The following DPF3 variants were observed in gnomAD, a reference collection of about 807,000 sequenced individuals.
The protein encoded by DPF3 is zinc finger protein DPF3.
In DPF3, 18 loss-of-function variants were observed where a neutral mutation model predicts 56.8. That is an observed-to-expected ratio of 0.32 (90% confidence interval 0.22 to 0.47). DPF3 has a LOEUF of 0.47. DPF3 is among the 20% of genes least tolerant of loss of function. The pLI, the probability that DPF3 is intolerant of heterozygous loss-of-function variation, is 1.00. For missense variants in DPF3, 403 were observed against 488.8 expected, an observed-to-expected ratio of 0.82 and a Z score of 1.65; for synonymous variants, 188 against 180.2, an observed-to-expected ratio of 1.04 and a Z score of -0.35.
chr14:72,626,113 C>T (rs1036059009), intron 9 of DPF3, among the ~76,000 whole-genome samples: 3 of 152,026 alleles, frequency 2.0e-5, no homozygotes, highest in Non-Finnish European at 4.4e-5. Flanking sequence ...TTATTTGTTA[C>T]TGTTTTTATT....
intron 4 of DPF3, among the ~76,000 whole-genome samples, chr14:72,726,658 G>A (rs1889418744): frequency 6.6e-6 from 1 of 152,154 alleles, no homozygotes; most frequent in African/African-American, 2.4e-5. Context: ...AAGCGGAGGG[G>A]GAGTCCTGCA....
At chr14:72,734,021 C>T (rs1019814450) in intron 3 of DPF3, among the ~76,000 whole-genome samples, 4 of 152,284 alleles carry the variant, frequency 2.6e-5, no homozygotes, top group Admixed American at 6.5e-5. Context: ...AGCGCTACCA[C>T]GAAATCAGCC....
At chr14:72,837,179 T>G (rs977573184) in intron 1 of DPF3, among the ~76,000 whole-genome samples, 6 of 151,884 alleles carry the variant, frequency 4.0e-5, no homozygotes, top group Non-Finnish European at 8.8e-5. Context: ...CCAGAATCAC[T>G]TTTTCAGTAA....
At chr14:72,734,684 T>C (rs944928746) in intron 3 of DPF3, among the ~76,000 whole-genome samples, 5 of 152,162 alleles carry the variant, frequency 3.3e-5, no homozygotes, top group African/African-American at 1.2e-4. Context: ...AATTCAATCA[T>C]CTCATTTTGT....
At chr14:72,670,680 A>G in intron 8 of DPF3, 6 of 987,578 alleles carry the variant, frequency 6.1e-6, no homozygotes, top group Non-Finnish European at 7.2e-6. Flanking sequence ...TCTGATTCTA[A>G]TAACAGCTAG....
chr14:72,627,139 C>T (rs1373063399), intron 9 of DPF3, among the ~76,000 whole-genome samples: 1 of 151,954 alleles, frequency 6.6e-6, no homozygotes, highest in Non-Finnish European at 1.5e-5. Context: ...ATGTTTTTGA[C>T]TATGCAAAAT....
chr14:72,694,079 G>A (rs537444089), intron 6 of DPF3, among the ~76,000 whole-genome samples: 26 of 152,322 alleles, frequency 1.7e-4, no homozygotes, highest in African/African-American at 5.8e-4. Context: ...CTTGGAGCCA[G>A]GAAGAAAGGG....
intron 1 of DPF3, among the ~76,000 whole-genome samples, chr14:72,795,568 G>A (rs1274154437): frequency 6.6e-6 from 1 of 152,144 alleles, no homozygotes; most frequent in African/African-American, 2.4e-5. Context: ...GCTCGGTACT[G>A]TTATTCTATT....
chr14:72,795,295 A>AATATAT (rs71109748), intron 1 of DPF3, among the ~76,000 whole-genome samples: 66 of 102,876 alleles, frequency 6.4e-4, no homozygotes, highest in Non-Finnish European at 9.6e-4. Flanking sequence ...AAAAAAAAAA[A>AATATAT]ATATATATAT....
At chr14:72,834,136 C>T (rs1217114545) in intron 1 of DPF3, among the ~76,000 whole-genome samples, 1 of 151,688 alleles carries the variant, frequency 6.6e-6, no homozygotes, top group Non-Finnish European at 1.5e-5. Context: ...CGAGACTGCG[C>T]CATTGCACTC....
At chr14:72,666,733 A>G (rs562813328) in intron 8 of DPF3, among the ~76,000 whole-genome samples, 8 of 152,320 alleles carry the variant, frequency 5.3e-5, no homozygotes, top group African/African-American at 1.9e-4. Context: ...AGCTGAGCCC[A>G]GAGCCCAGAA....
intron 1 of DPF3, among the ~76,000 whole-genome samples, chr14:72,797,760 CG>C (rs1436393284): frequency 1.3e-5 from 2 of 152,148 alleles, no homozygotes; most frequent in Non-Finnish European, 2.9e-5. Flanking sequence ...ATGTGGTGAT[CG>C]AAAACTAGAC....
At chr14:72,699,492 A>G (rs2153573800) in intron 6 of DPF3, among the ~76,000 whole-genome samples, 1 of 149,220 alleles carries the variant, frequency 6.7e-6, no homozygotes, top group African/African-American at 2.5e-5. Flanking sequence ...ACTGCACTCC[A>G]GCCTGGGTGA....
At chr14:72,629,885 T>G in intron 8 of DPF3, 149 bp from the exon 9 acceptor site, 1 of 654,320 alleles carries the variant, frequency 1.5e-6, no homozygotes, top group Non-Finnish European at 2.7e-6. Flanking sequence ...AACAGGGCCC[T>G]ACCCACATTC....
rs187707530 is a variant in DPF3 at position 72,861,764 on chromosome 14, A to G, written c.32+32293T>C. On this transcript the variant is annotated intron_variant, in intron 1 of 10. Transcript: ENST00000556509. The stretch of plus-strand genomic sequence containing the variant: ...GAAAGAAAGAAAGAAAGAAAGAAAG[A>G]AAGAAAGAAAGAAAGAAAGAAAGAA... Among the ~76,000 whole-genome samples the G allele has an allele frequency of 3.3e-5, 5 of 149,772 alleles. No individual in the cohort carries two copies. The East Asian group carries it at 9.8e-4, about 29-fold the overall frequency.
chr14:72,693,448 T>G (rs1887785100), intron 6 of DPF3, among the ~76,000 whole-genome samples: 1 of 152,164 alleles, frequency 6.6e-6, no homozygotes, highest in Non-Finnish European at 1.5e-5. Flanking sequence ...AAGAGCTGTG[T>G]GAGCACTCCA....
At chr14:72,700,922 A>G (rs938252963) in intron 6 of DPF3, among the ~76,000 whole-genome samples, 6 of 152,248 alleles carry the variant, frequency 3.9e-5, no homozygotes, top group Non-Finnish European at 8.8e-5. Context: ...AAAGTGGCCC[A>G]ACAAAGAGAA....
chr14:72,682,290 A>T (rs557469798), intron 7 of DPF3, among the ~76,000 whole-genome samples: 2 of 151,080 alleles, frequency 1.3e-5, no homozygotes, highest in Non-Finnish European at 2.9e-5. Context: ...TCATTACGTG[A>T]CACGTAATGA....
chr14:72,713,418 C>G (rs1329807960), intron 6 of DPF3, among the ~76,000 whole-genome samples: 3 of 152,200 alleles, frequency 2.0e-5, no homozygotes, highest in African/African-American at 7.2e-5. Flanking sequence ...CCCACCCCTA[C>G]CCCGCCTTGC....
Sources: allele counts gnomAD v4.1 joint callset (sites outside exome capture counted in the v4.1 genomes callset), GRCh38; gene constraint gnomAD v4.1.1; transcripts MANE v1.5; gene names NCBI Gene and HGNC (gene_info 2026-07-23, HGNC 2026-07-21).